GNG2: variants seen among roughly 807,000 people sequenced by gnomAD.
GNG2 encodes the protein G protein subunit gamma 2, also known as guanine nucleotide-binding protein G(I)/G(S)/G(O) subunit gamma-2.
Under a neutral mutation model 5.5 loss-of-function variants are expected in GNG2, and 5 were observed. The ratio of observed to expected loss-of-function variants is 0.91; its 90% CI spans 0.48 to 1.92. GNG2 has a LOEUF of 1.92. Ranked by LOEUF, GNG2 falls within the 30% of genes most tolerant of loss-of-function variation. The probability of loss-of-function intolerance (pLI) is 0.01; values close to 1 mark genes in which losing one functional copy is unlikely to be tolerated. For missense variants in GNG2, 55 were observed against 88.4 expected, an observed-to-expected ratio of 0.62 and a Z score of 1.52; for synonymous variants, 28 against 32.0, an observed-to-expected ratio of 0.88 and a Z score of 0.42.
chr14:51,862,055 T>C (rs1414543252), intron 1 of GNG2, among the ~76,000 whole-genome samples: 1 of 152,214 alleles, frequency 6.6e-6, no homozygotes, highest in African/African-American at 2.4e-5. Context: ...TGTATGTATA[T>C]GCCTCCTCCT....
chr14:51,911,236 A>G (rs2140202254), intron 2 of GNG2, among the ~76,000 whole-genome samples: 1 of 152,334 alleles, frequency 6.6e-6, no homozygotes, highest in African/African-American at 2.4e-5. Context: ...AGCCTTATAA[A>G]TACCCTATGT....
chr14:51,877,516 C>A, intron 1 of GNG2, 101 bp from the exon 2 acceptor site: 2 of 433,400 alleles, frequency 4.6e-6, no homozygotes, highest in South Asian at 1.7e-5. Flanking sequence ...TTACCACCCA[C>A]CCCCGTTTCA....
At chr14:51,965,239 A>G (rs949615123) in intron 3 of GNG2, among the ~76,000 whole-genome samples, 5 of 152,168 alleles carry the variant, frequency 3.3e-5, no homozygotes, top group Non-Finnish European at 7.4e-5. Flanking sequence ...ATTCACCCAA[A>G]TCTTAAATTA....
At chr14:51,876,966 A>G (rs1039216354) in intron 1 of GNG2, among the ~76,000 whole-genome samples, 8 of 152,310 alleles carry the variant, frequency 5.3e-5, no homozygotes, top group Admixed American at 4.6e-4. Context: ...GCTCATCTAC[A>G]CAGGAACTTT....
At chr14:51,908,660 C>T (rs987362666) in intron 2 of GNG2, among the ~76,000 whole-genome samples, 117 of 125,212 alleles carry the variant, frequency 9.3e-4, no homozygotes, top group Non-Finnish European at 1.4e-3. Context: ...GCCTCCGCCT[C>T]CTGGGTTCAA....
At chr14:51,897,061 G>A (rs538419969) in intron 2 of GNG2, among the ~76,000 whole-genome samples, 1 of 152,348 alleles carries the variant, frequency 6.6e-6, no homozygotes, top group Non-Finnish European at 1.5e-5. Flanking sequence ...TCATATTAGA[G>A]TAGATGCCAG....
intron 2 of GNG2, among the ~76,000 whole-genome samples, chr14:51,911,161 C>T (rs1324832261): frequency 6.6e-6 from 1 of 152,138 alleles, no homozygotes; most frequent in Non-Finnish European, 1.5e-5. Context: ...CATTGGTCGG[C>T]TTTGGCATGT....
chr14:51,850,044 T>C (rs1881834503), intron 2 of GNG2, among the ~76,000 whole-genome samples: 1 of 152,182 alleles, frequency 6.6e-6, no homozygotes, highest in South Asian at 2.1e-4. Flanking sequence ...CAAAAAGTTG[T>C]TCCTCCCAAC....
At chr14:51,951,948 C>A (rs766645899) in intron 3 of GNG2, 2 of 697,506 alleles carry the variant, frequency 2.9e-6, no homozygotes, top group South Asian at 3.0e-5. Context: ...TTCCCAACAC[C>A]CAGAGAGCTC....
Position 51,894,695 on chromosome 14 carries a change from G to T in GNG2, c.-30+17038G>T, listed in dbSNP as rs536775844. Among the ~76,000 whole-genome samples, 3 of 152,090 alleles carry T rather than the reference G, an allele frequency of 2.0e-5. No homozygotes were observed. The East Asian group carries it at 5.8e-4, about 29-fold the overall frequency. ...TCTGTTGGACAGAGGCTCATTTGAA[G>T]ATAAAACCTCAAGATATAAGCTTAT... On this transcript the variant is annotated intron_variant, in intron 2 of 3. Transcript: ENST00000556766.
In GNG2 at chr14:51,836,554, G is replaced by A. The variant is rs143667721; in HGVS notation, c.64+8747G>A. On this transcript the variant is annotated intron_variant, in intron 2 of 3. Coordinates refer to the GNG2 transcript ENST00000553432. Reference sequence around the variant, plus strand: ...TTTTATTGTTAATTTTTAATATACTGCCTGCCTCATTAGTGTCCTCTCCCC... The same window carrying A: ...TTTTATTGTTAATTTTTAATATACTACCTGCCTCATTAGTGTCCTCTCCCC... 1.2e-3 allele frequency among the ~76,000 whole-genome samples: 184 copies of A among 151,884 alleles called. 1 individual carries two copies. The highest frequency in any genetic ancestry group is 6.8e-3 in the Middle Eastern group (2 of 292).
At position 51,968,377 on chromosome 14, in the gene GNG2, G is replaced by T. The variant is rs1396395127; in HGVS notation, c.*1690G>T. 1.3e-5 allele frequency: 2 copies of T among 150,232 alleles called. No individual in the cohort carries two copies. The highest frequency in any genetic ancestry group is 3.0e-5 in the Non-Finnish European group (2 of 67,770). The allele number at this position is 150,232 out of a possible 1,614,324, so 9.3% of individuals were successfully genotyped here. A position where few individuals can be genotyped will look rare whatever the true frequency, so the allele number is the denominator to read the frequency against. ...CTCCTGTTTTTTTTTTAAAAAAAAA[G>T]CATGAAAAAGGAAGAGAAAAAGTTT... On this transcript the variant is annotated 3_prime_UTR_variant, in exon 4 of 4. Coordinates refer to ENST00000556766, the MANE Select transcript of GNG2 (RefSeq NM_053064.5).
intron 3 of GNG2, among the ~76,000 whole-genome samples, chr14:51,958,666 C>T (rs1462939847): frequency 1.3e-5 from 2 of 152,092 alleles, no homozygotes; most frequent in African/African-American, 2.4e-5. Context: ...GCCTCCTCTC[C>T]CCACATGGAT....
intron 2 of GNG2, among the ~76,000 whole-genome samples, chr14:51,919,473 A>T (rs1886878823): frequency 6.6e-6 from 1 of 152,248 alleles, no homozygotes; most frequent in Admixed American, 6.5e-5. Context: ...GGTCCCCAGA[A>T]GAAGTGTTTT....
At chr14:51,917,442 G>A (rs1201256691) in intron 2 of GNG2, 3 of 456,036 alleles carry the variant, frequency 6.6e-6, no homozygotes, top group South Asian at 1.5e-5. Context: ...CCTGTGAGAC[G>A]TAGCATCCTC....
At chr14:51,961,692 G>A (rs1889623548) in intron 3 of GNG2, among the ~76,000 whole-genome samples, 1 of 152,184 alleles carries the variant, frequency 6.6e-6, no homozygotes, top group Non-Finnish European at 1.5e-5. Flanking sequence ...TATTTCTGCT[G>A]ACTTCTGAAG....
chr14:51,838,683 T>C (rs1881406244), intron 2 of GNG2, among the ~76,000 whole-genome samples: 1 of 152,216 alleles, frequency 6.6e-6, no homozygotes, highest in African/African-American at 2.4e-5. Context: ...CCCGTTTATA[T>C]ATACATCTAT....
intron 2 of GNG2, chr14:51,916,519 A>G (rs757397224): frequency 1.8e-5 from 8 of 452,190 alleles, no homozygotes; most frequent in South Asian, 1.3e-4. Flanking sequence ...TGAAAAAAAA[A>G]AAGAAATGGA....
At chr14:51,830,933 C>T (rs1322725556) in intron 2 of GNG2, among the ~76,000 whole-genome samples, 1 of 152,212 alleles carries the variant, frequency 6.6e-6, no homozygotes, top group Non-Finnish European at 1.5e-5. Context: ...CAAGACCTGA[C>T]AGCACGAGCT....
Sources: gnomAD v4.1 joint callset for allele counts (sites outside exome capture counted in the v4.1 genomes callset) on GRCh38, gnomAD v4.1.1 for gene constraint, MANE v1.5 for transcripts, NCBI Gene and HGNC (gene_info 2026-07-23, HGNC 2026-07-21) for gene names.